COG4: variants seen among roughly 807,000 people sequenced by gnomAD.
COG4 encodes component of oligomeric golgi complex 4.
COG4 carries 65 observed loss-of-function variants against 95.1 expected under a neutral mutation model. The ratio of observed to expected loss-of-function variants is 0.68; its 90% CI spans 0.56 to 0.84. The LOEUF (loss-of-function observed/expected upper bound fraction) is 0.84, where lower values mean the gene tolerates loss of function less well. COG4 is among the 40% of genes least tolerant of loss of function. COG4 has a pLI of 0.00. For missense variants in COG4, 1,045 were observed against 989.1 expected (o/e 1.06, Z -0.76); for synonymous variants, 421 against 374.8 (o/e 1.12, Z -1.42).
chr16:70,486,753 T>C (rs1447897951), intron 13 of COG4, among the ~76,000 whole-genome samples: 1 of 150,736 alleles, frequency 6.6e-6, no homozygotes, highest in African/African-American at 2.4e-5. Context: ...TCCCAGCACT[T>C]TGGGAGGCCG....
At chr16:70,491,824 C>CAAAAAA (rs772831502) in intron 12 of COG4, among the ~76,000 whole-genome samples, 18 of 59,292 alleles carry the variant, frequency 3.0e-4, no homozygotes, top group East Asian at 1.1e-3. Context: ...AACTACGTCT[C>CAAAAAA]AAAAAAAAAA....
chr16:70,491,343 T>C (rs112681525), intron 12 of COG4, among the ~76,000 whole-genome samples: 18,206 of 151,136 alleles, frequency 0.12, 3,612 homozygotes, highest in African/African-American at 0.41. Context: ...GGTGAAACCC[T>C]GTCTCTAATA....
At chr16:70,482,894 C>T (rs1200751529) in intron 14 of COG4, 73 bp from the exon 15 acceptor site, 2 of 1,134,682 alleles carry the variant, frequency 1.8e-6, no homozygotes, top group East Asian at 4.7e-5. Context: ...TTCTCCCCAT[C>T]CCTTCCCTCT....
rs551067292 is a variant in COG4 at position 70,502,005 on chromosome 16, C to G, written c.1062-914G>C. Among the ~76,000 whole-genome samples, 3 of 152,090 alleles carry G rather than the reference C, an allele frequency of 2.0e-5. No homozygotes were observed. In the East Asian group the frequency reaches 5.8e-4, roughly 29 times the overall value. On this transcript the variant is annotated intron_variant, in intron 8 of 18. Transcript: ENST00000323786. The stretch of plus-strand genomic sequence containing the variant: ...GGTTTGAATAAAGATTACCTATGAC[C>G]AGGCATGGTGGCTCACGCCTGTAAT...
Position 70,517,641 on chromosome 16 carries a change from C to T in COG4, c.354G>A (p.Gln118=). 6.5e-7 allele frequency: 1 copy of T among 1,534,554 alleles called. No individual in the cohort carries two copies. Among genetic ancestry groups the T allele is most frequent in the Non-Finnish European group, 9.0e-7 (1 of 1,114,800 alleles). ...GATGTATTACCTTGGCCAGGTCAAG[C>T]TGACGAACTTTGCTGGACACATTCT... The part of the protein sequence containing the change: ...LAENVSSKVR[Q]LDLAKNRLYQ... The change falls in exon 3 of 19, where the codon CAG becomes CAA. Residue 118 remains glutamine (Q), a synonymous_variant. Coordinates refer to ENST00000323786, the MANE Select transcript of COG4 (RefSeq NM_015386.3).
At chr16:70,519,489 C>T (rs538374060) in intron 2 of COG4, among the ~76,000 whole-genome samples, 160 bp downstream of exon 2, 157 of 152,292 alleles carry the variant, frequency 1.0e-3, no homozygotes, top group Non-Finnish European at 1.9e-3. Context: ...GTTTGAAAAC[C>T]ATCAAACTAA....
Position 70,514,325 on chromosome 16 carries a change from G to T in COG4, c.544+10C>A. On this transcript the variant is annotated intron_variant, in intron 4 of 18. Transcript: ENST00000323786. ...AACTAAACTAAAAACCAACAGTTTC[G>T]GATGCTGACCCTCTTTGCCCTGTCG... is the stretch of plus-strand genomic sequence containing the variant. 1 of 1,613,932 alleles carries T rather than the reference G, an allele frequency of 6.2e-7. No individual in the cohort carries two copies. Among genetic ancestry groups the T allele is most frequent in the South Asian group, 1.1e-5 (1 of 91,038 alleles).
chr16:70,519,548 A>ACATT, intron 2 of COG4, 101 bp downstream of exon 2: 1 of 800,162 alleles, frequency 1.2e-6, no homozygotes, highest in Admixed American at 2.0e-5. Context: ...TTACATTTCA[A>ACATT]GCTGAACTGG....
intron 13 of COG4, among the ~76,000 whole-genome samples, chr16:70,485,158 C>T (rs978362526): frequency 1.3e-5 from 2 of 151,304 alleles, no homozygotes; most frequent in Non-Finnish European, 2.9e-5. Flanking sequence ...TTGCTGGAGC[C>T]CAGGAGTTCA....
At chr16:70,515,839 T>TA in intron 3 of COG4, 1 of 332,134 alleles carries the variant, frequency 3.0e-6, no homozygotes, top group South Asian at 2.4e-5. Context: ...GTTGTTTTTT[T>TA]AAAAAATTTT....
chr16:70,523,234 C>T, intron 1 of COG4, 139 bp downstream of exon 1: 1 of 1,038,756 alleles, frequency 9.6e-7, no homozygotes. Flanking sequence ...ACTCATATAC[C>T]CGACTAGCTT....
chr16:70,508,810 G>A (rs1258291494), intron 7 of COG4: 2 of 552,560 alleles, frequency 3.6e-6, no homozygotes, highest in South Asian at 3.1e-5. Context: ...CTCAAAAGAA[G>A]GAAAAAACAA....
chr16:70,496,434 G>C lies in COG4; in HGVS notation c.1482-3C>G, dbSNP rs1231545072. The C allele has an allele frequency of 3.7e-6, 6 of 1,614,008 alleles. No homozygotes were observed. The highest frequency in any genetic ancestry group is 1.1e-5 in the South Asian group (1 of 91,084). On this transcript the variant is annotated splice_polypyrimidine_tract_variant and splice_region_variant and intron_variant, in intron 11 of 18. Coordinates refer to ENST00000323786, the MANE Select transcript of COG4 (RefSeq NM_015386.3). ...GCAGCTTATTACACAGAACATCCCT[G>C]GGGGGCAGGATTGCATAGAGGAATT...
intron 12 of COG4, among the ~76,000 whole-genome samples, chr16:70,493,081 G>A (rs1189063631): frequency 2.0e-5 from 3 of 152,138 alleles, no homozygotes; most frequent in Non-Finnish European, 4.4e-5. Context: ...GACAGGGTTG[G>A]TAGCTGAGCT....
At chr16:70,496,486 C>G (rs2049342720) in intron 11 of COG4, 55 bp from the exon 12 acceptor site, 1 of 1,571,520 alleles carries the variant, frequency 6.4e-7, no homozygotes, top group African/African-American at 1.4e-5. Context: ...GCCACCAGGA[C>G]AGAAGGGCCA....
In COG4 at chr16:70,481,832, T is replaced by G. The variant is rs2049001421; in HGVS notation, c.2038A>C (p.Thr680Pro). 1.2e-6 allele frequency: 2 copies of G among 1,613,912 alleles called. No individual in the cohort carries two copies. The highest frequency in any genetic ancestry group is 1.3e-5 in the African/African-American group (1 of 74,922). The change falls in exon 17 of 19, where the codon ACC becomes CCC. Residue 680 changes from threonine to proline, a missense_variant. Thr to Pro is a conservative substitution (Grantham distance 38). Transcript: ENST00000323786. ...SLSPVIYDSL[T>P]GLMTSLVAVE... ...GCAACAAGGCTAGTCATGAGGCCGG[T>G]TAGGCTGTCGTAGATGACCGGGGAC...
intron 9 of COG4, 91 bp downstream of exon 9, chr16:70,500,867 G>A (rs2049434625): frequency 3.3e-6 from 5 of 1,511,034 alleles, no homozygotes; most frequent in Middle Eastern, 1.7e-4. Flanking sequence ...AGTTCCAATT[G>A]TTTCCTTAAT....
In COG4 at chr16:70,516,231, C is replaced by A. The variant is rs1447072619; in HGVS notation, c.369+1395G>T. On this transcript the variant is annotated intron_variant, in intron 3 of 18. Coordinates refer to ENST00000323786, the MANE Select transcript of COG4 (RefSeq NM_015386.3). ...AACCTTGTGTTCCTAGGATAAATTC[C>A]ACTTGGTCATAGTATATAATCCTCT... Among the ~76,000 whole-genome samples, 5 of 152,164 alleles carry A rather than the reference C, an allele frequency of 3.3e-5. No homozygotes were observed. In the South Asian group the frequency reaches 1.0e-3, roughly 32 times the overall value.
chr16:70,492,369 A>G (rs7200586), intron 12 of COG4, among the ~76,000 whole-genome samples: 18,397 of 152,212 alleles, frequency 0.12, 3,679 homozygotes, highest in African/African-American at 0.42. Context: ...TGATAAAAGT[A>G]GCATGGAGGC....
Sources: gnomAD v4.1 joint callset for allele counts (sites outside exome capture counted in the v4.1 genomes callset) on GRCh38, gnomAD v4.1.1 for gene constraint, MANE v1.5 for transcripts, NCBI Gene and HGNC (gene_info 2026-07-23, HGNC 2026-07-21) for gene names.